KCNMB3: variants seen among roughly 807,000 people sequenced by gnomAD.
KCNMB3 encodes potassium calcium-activated channel subfamily M regulatory beta subunit 3, also known as calcium-activated potassium channel subunit beta-3.
In KCNMB3, 18 loss-of-function variants were observed where a neutral mutation model predicts 11.9. The ratio of observed to expected loss-of-function variants is 1.51; its 90% confidence interval spans 1.04 to 2.23. KCNMB3 has a LOEUF of 2.23. Among genes scored for constraint, KCNMB3 ranks in the 30% most tolerant of loss-of-function variants. The pLI is 0.00. For missense variants in KCNMB3, 247 were observed against 329.4 expected (o/e 0.75, Z 1.94); for synonymous variants, 78 against 119.2 (o/e 0.65, Z 2.25).
chr3:179,241,621 C>T (rs1438089530), downstream of KCNMB3: 2 of 152,288 alleles, frequency 1.3e-5, no homozygotes, highest in Non-Finnish European at 2.9e-5. Flanking sequence ...CTTTGAGGCA[C>T]TTTGGAAAAT....
intron 1 of KCNMB3, among the ~76,000 whole-genome samples, chr3:179,248,452 G>A (rs993154912): frequency 2.0e-5 from 3 of 152,080 alleles, no homozygotes; most frequent in African/African-American, 4.8e-5. Context: ...TACTGGTCAG[G>A]CATGGTGGCT....
At chr3:179,251,411 C>T, upstream of KCNMB3, 3 of 1,425,686 alleles carry the variant, frequency 2.1e-6, no homozygotes, top group Middle Eastern at 2.6e-4. Context: ...GGAAAGGCAG[C>T]ATATCCACCA....
upstream of KCNMB3, chr3:179,266,998 A>G (rs113876535): frequency 3.7e-4 from 365 of 984,890 alleles, 1 homozygote; most frequent in Non-Finnish European, 4.0e-4. Context: ...CTCTCTTTGC[A>G]CTGTGCTTGC....
chr3:179,252,521 A>C (rs1725880270), upstream of KCNMB3, among the ~76,000 whole-genome samples: 1 of 152,072 alleles, frequency 6.6e-6, no homozygotes, highest in Non-Finnish European at 1.5e-5. Context: ...AAGCGAGTAA[A>C]AGGAATGTCA....
At chr3:179,266,579 G>A (rs1387627048) in intron 1 of KCNMB3, 2 of 1,570,148 alleles carry the variant, frequency 1.3e-6, no homozygotes, top group East Asian at 2.2e-5. Context: ...AGCTCGAGAT[G>A]TCCCCTCTTC....
At chr3:179,264,791 A>C (rs1371335467) in intron 1 of KCNMB3, among the ~76,000 whole-genome samples, 2 of 152,230 alleles carry the variant, frequency 1.3e-5, no homozygotes, top group African/African-American at 4.8e-5. Flanking sequence ...TCACGGGTGT[A>C]TGTGAAATGA....
intron 1 of KCNMB3, among the ~76,000 whole-genome samples, chr3:179,245,375 C>T (rs1334122384): frequency 3.9e-5 from 6 of 152,180 alleles, no homozygotes; most frequent in Admixed American, 1.3e-4. Context: ...CAGTAGAATA[C>T]TTACCATATT....
At chr3:179,266,545 G>T in intron 1 of KCNMB3, 1 of 1,374,028 alleles carries the variant, frequency 7.3e-7, no homozygotes, top group Non-Finnish European at 1.0e-6. Context: ...CATCCTCAGA[G>T]AAAAAGGAAA....
At chr3:179,252,208 C>A (rs1336027378), upstream of KCNMB3, among the ~76,000 whole-genome samples, 1 of 152,140 alleles carries the variant, frequency 6.6e-6, no homozygotes, top group African/African-American at 2.4e-5. Flanking sequence ...TGCCAAAATC[C>A]CTCCACTTCC....
chr3:179,243,493 G>T (rs1284934259), intron 2 of KCNMB3, among the ~76,000 whole-genome samples: 1 of 152,148 alleles, frequency 6.6e-6, no homozygotes, highest in Non-Finnish European at 1.5e-5. Flanking sequence ...CAAGGATGTG[G>T]AAGAGAATTC....
chr3:179,256,795 A>G (rs1449715795), intron 1 of KCNMB3, among the ~76,000 whole-genome samples: 2 of 152,210 alleles, frequency 1.3e-5, no homozygotes, highest in Non-Finnish European at 2.9e-5. Context: ...AAATAACATG[A>G]TAGAATAATG....
At chr3:179,251,457 T>C, upstream of KCNMB3, 2 of 1,408,208 alleles carry the variant, frequency 1.4e-6, no homozygotes, top group Non-Finnish European at 1.8e-6. Flanking sequence ...CCACTCAGAA[T>C]TATGAAGTTG....
At chr3:179,247,496 T>TA (rs887256128) in intron 1 of KCNMB3, among the ~76,000 whole-genome samples, 62 of 148,114 alleles carry the variant, frequency 4.2e-4, no homozygotes, top group African/African-American at 9.7e-4. Context: ...TCCCACTTCT[T>TA]AAAAAAAAAA....
intron 1 of KCNMB3, among the ~76,000 whole-genome samples, chr3:179,246,267 C>T (rs763626880): frequency 2.0e-5 from 3 of 152,136 alleles, no homozygotes; most frequent in Non-Finnish European, 4.4e-5. Flanking sequence ...CAAAAATTAG[C>T]TGGGCATGGT....
intron 1 of KCNMB3, chr3:179,260,196 C>T (rs1463981461): frequency 7.8e-5 from 126 of 1,613,448 alleles, no homozygotes; most frequent in Non-Finnish European, 7.5e-5. Flanking sequence ...GTGGCTCCCA[C>T]CATCTAAGTC....
downstream of KCNMB3, chr3:179,242,660 G>GA (rs1169799934): frequency 3.3e-4 from 178 of 544,416 alleles, no homozygotes; most frequent in East Asian, 4.0e-3. Context: ...TGCTATACAG[G>GA]AAAAAAAACA....
chr3:179,243,927 CAG>C (rs1257707418), intron 2 of KCNMB3, among the ~76,000 whole-genome samples: 8 of 152,120 alleles, frequency 5.3e-5, no homozygotes, highest in Non-Finnish European at 1.0e-4. Context: ...GCATCCCAAA[CAG>C]AAAACAAAAG....
chr3:179,262,522 G>GC (rs1413432761), intron 1 of KCNMB3, among the ~76,000 whole-genome samples: 8 of 152,214 alleles, frequency 5.3e-5, no homozygotes, highest in Non-Finnish European at 1.0e-4. Flanking sequence ...ATTGCAAAGA[G>GC]CAAAGGAACA....
At chr3:179,263,795 C>CTT (rs1181078403) in intron 1 of KCNMB3, among the ~76,000 whole-genome samples, 4 of 110,092 alleles carry the variant, frequency 3.6e-5, no homozygotes, top group South Asian at 2.9e-4. Context: ...TTTTCTTTTT[C>CTT]TTTTCTTTTT....
Sources: allele counts gnomAD v4.1 joint callset (sites outside exome capture counted in the v4.1 genomes callset), GRCh38; gene constraint gnomAD v4.1.1; transcripts MANE v1.5; gene names NCBI Gene and HGNC (gene_info 2026-07-23, HGNC 2026-07-21).